Variants in MFHAS1 observed in about 807,000 individuals in gnomAD.
MFHAS1 encodes the protein multifunctional ROCO family signaling regulator 1, also known as malignant fibrous histiocytoma-amplified sequence 1.
A neutral mutation model predicts 70.4 loss-of-function variants in MFHAS1; 50 were observed. That is an observed-to-expected ratio of 0.71 (90% CI 0.57 to 0.90). The LOEUF (loss-of-function observed/expected upper bound fraction) is 0.90. Ranked by LOEUF, MFHAS1 falls within the 40% of genes least tolerant of loss-of-function variation. MFHAS1 has a pLI of 0.00. For synonymous variants in MFHAS1, 952 were observed against 620.0 expected (o/e 1.54, Z -7.96); for missense variants, 1,795 against 1,347.6 (o/e 1.33, Z -5.20).
chr8:8,827,562 A>G (rs934474752), intron 1 of MFHAS1, among the ~76,000 whole-genome samples: 1 of 152,224 alleles, frequency 6.6e-6, no homozygotes, highest in Admixed American at 6.5e-5. Context: ...CATTGGTTTA[A>G]CTATTCCATT....
chr8:8,794,675 T>A (rs973224963), intron 2 of MFHAS1, among the ~76,000 whole-genome samples: 1 of 151,748 alleles, frequency 6.6e-6, no homozygotes, highest in Non-Finnish European at 1.5e-5. Flanking sequence ...TTAGAGAACA[T>A]TCCTTCATTT....
At chr8:8,852,000 C>T (rs1352575924) in intron 1 of MFHAS1, among the ~76,000 whole-genome samples, 1 of 152,276 alleles carries the variant, frequency 6.6e-6, no homozygotes, top group East Asian at 1.9e-4. Context: ...CCCTCAGGAA[C>T]AGCGATGCCA....
At chr8:8,877,328 G>A (rs1003438702) in intron 1 of MFHAS1, among the ~76,000 whole-genome samples, 3 of 103,546 alleles carry the variant, frequency 2.9e-5, no homozygotes, top group African/African-American at 6.0e-5. Context: ...AAACTACGGT[G>A]TTCCATTAAT....
At chr8:8,871,674 T>C (rs549805855) in intron 1 of MFHAS1, among the ~76,000 whole-genome samples, 34 of 152,326 alleles carry the variant, frequency 2.2e-4, no homozygotes, top group Non-Finnish European at 4.0e-4. Flanking sequence ...TTTACCTATT[T>C]ACAGACGAAA....
intron 1 of MFHAS1, among the ~76,000 whole-genome samples, chr8:8,859,456 T>C (rs748886090): frequency 3.9e-5 from 6 of 152,194 alleles, no homozygotes; most frequent in Non-Finnish European, 8.8e-5. Flanking sequence ...TAAAATACAG[T>C]TGATCGTTTA....
At chr8:8,826,952 C>T (rs1436840596) in intron 1 of MFHAS1, among the ~76,000 whole-genome samples, 1 of 152,196 alleles carries the variant, frequency 6.6e-6, no homozygotes, top group African/African-American at 2.4e-5. Flanking sequence ...CCTGTCCCAA[C>T]CCTGCACTGC....
At chr8:8,829,866 C>T (rs184248345) in intron 1 of MFHAS1, among the ~76,000 whole-genome samples, 126 of 152,320 alleles carry the variant, frequency 8.3e-4, no homozygotes, top group Middle Eastern at 3.4e-3. Flanking sequence ...AACAGATTGC[C>T]TCACGTGAGG....
intron 1 of MFHAS1, among the ~76,000 whole-genome samples, chr8:8,816,069 G>A (rs1383624161): frequency 6.6e-6 from 1 of 152,146 alleles, no homozygotes; most frequent in Non-Finnish European, 1.5e-5. Flanking sequence ...AGAGTGCATA[G>A]TGGATGAGTC....
At chr8:8,843,812 T>C (rs1181129094) in intron 1 of MFHAS1, among the ~76,000 whole-genome samples, 1 of 152,190 alleles carries the variant, frequency 6.6e-6, no homozygotes, top group African/African-American at 2.4e-5. Context: ...CACATTTCTC[T>C]TAAATTTAAC....
At chr8:8,840,421 C>A (rs1365221048) in intron 1 of MFHAS1, among the ~76,000 whole-genome samples, 12 of 146,186 alleles carry the variant, frequency 8.2e-5, no homozygotes, top group Admixed American at 7.7e-4. Context: ...TGTGCCACTG[C>A]ACTCTAGCCT....
In MFHAS1 at chr8:8,783,579, G is replaced by C. The variant is rs781547179; in HGVS notation, c.*2443C>G. ...CTGTCATTTTTTTTTTCTTAGAAGGGGGAAAAACATTTATTTTGGCAGTGC... is the reference window on the plus strand; with the variant it reads ...CTGTCATTTTTTTTTTCTTAGAAGGCGGAAAAACATTTATTTTGGCAGTGC... On this transcript the variant is annotated 3_prime_UTR_variant, in exon 3 of 3. Coordinates refer to ENST00000276282, the MANE Select transcript of MFHAS1 (RefSeq NM_004225.3). The C allele has an allele frequency of 6.3e-4, 95 of 151,864 alleles. 2 individuals carry two copies. The highest frequency in any genetic ancestry group is 1.0e-4 in the Non-Finnish European group (7 of 67,994). The allele number at this position is 151,864 out of a possible 1,614,324, so 9.4% of individuals were successfully genotyped here.
intron 1 of MFHAS1, among the ~76,000 whole-genome samples, chr8:8,838,958 C>T (rs1392528849): frequency 6.6e-6 from 1 of 152,126 alleles, no homozygotes; most frequent in Non-Finnish European, 1.5e-5. Flanking sequence ...ATAATATATG[C>T]AGGGTCTCTT....
intron 1 of MFHAS1, among the ~76,000 whole-genome samples, chr8:8,801,974 T>C (rs1157581388): frequency 3.3e-5 from 5 of 152,230 alleles, no homozygotes; most frequent in Non-Finnish European, 7.3e-5. Flanking sequence ...ACTTTTGTTA[T>C]CAGAATGGAG....
intron 1 of MFHAS1, among the ~76,000 whole-genome samples, chr8:8,814,937 G>A (rs1368216501): frequency 6.6e-6 from 1 of 151,594 alleles, no homozygotes; most frequent in Non-Finnish European, 1.5e-5. Flanking sequence ...TGTGCCATGG[G>A]AGTTTGCTGC....
At chr8:8,814,749 C>A (rs1474686911) in intron 1 of MFHAS1, among the ~76,000 whole-genome samples, 1 of 151,524 alleles carries the variant, frequency 6.6e-6, no homozygotes, top group Admixed American at 6.6e-5. Context: ...GAAGGTAAAC[C>A]GATGGTAAAT....
At chr8:8,853,068 T>C (rs1808305137) in intron 1 of MFHAS1, among the ~76,000 whole-genome samples, 1 of 152,126 alleles carries the variant, frequency 6.6e-6, no homozygotes, top group South Asian at 2.1e-4. Context: ...CCTGGCTCAG[T>C]CCGTGTGTCT....
At chr8:8,864,676 T>A (rs1356242252) in intron 1 of MFHAS1, among the ~76,000 whole-genome samples, 5 of 152,196 alleles carry the variant, frequency 3.3e-5, no homozygotes, top group Non-Finnish European at 7.3e-5. Context: ...CAGACACTTT[T>A]GAAATGTATC....
chr8:8,868,137 G>A (rs558303257), intron 1 of MFHAS1, among the ~76,000 whole-genome samples: 2 of 152,044 alleles, frequency 1.3e-5, no homozygotes, highest in Admixed American at 1.3e-4. Flanking sequence ...CAGGCTCTGA[G>A]GGGGATTCAG....
At chr8:8,876,592 G>A (rs984140281) in intron 1 of MFHAS1, among the ~76,000 whole-genome samples, 12 of 151,812 alleles carry the variant, frequency 7.9e-5, no homozygotes, top group African/African-American at 1.2e-4. Flanking sequence ...AAAATTAGCC[G>A]GGCATAGTGG....
Sources: allele counts gnomAD v4.1 joint callset (sites outside exome capture counted in the v4.1 genomes callset), GRCh38; gene constraint gnomAD v4.1.1; transcripts MANE v1.5; gene names NCBI Gene and HGNC (gene_info 2026-07-23, HGNC 2026-07-21).